The following SUMF1 variants were observed in gnomAD, a reference collection of about 807,000 sequenced individuals.
SUMF1 encodes the protein formylglycine-generating enzyme.
In SUMF1, 48 loss-of-function variants were observed where a neutral mutation model predicts 47.6. The observed-to-expected ratio is 1.01, with a 90% confidence interval of 0.80 to 1.28. The LOEUF is 1.28. SUMF1 is among the 50% of genes most tolerant of loss of function. The pLI, the probability that SUMF1 is intolerant of heterozygous loss-of-function variation, is 0.00. For missense variants in SUMF1, 571 were observed against 485.4 expected, an observed-to-expected ratio of 1.18 and a Z score of -1.66; for synonymous variants, 230 against 192.1, an observed-to-expected ratio of 1.20 and a Z score of -1.63.
At chr3:4,438,228 G>GC (rs1702464487) in intron 3 of SUMF1, among the ~76,000 whole-genome samples, 1 of 7,054 alleles carries the variant, frequency 1.4e-4, no homozygotes, top group Admixed American at 2.5e-3. Flanking sequence ...AGCTATAAGA[G>GC]CAAAAAAAAA....
At chr3:4,055,000 G>C (rs1310468765) in intron 9 of SUMF1, among the ~76,000 whole-genome samples, 2 of 152,144 alleles carry the variant, frequency 1.3e-5, no homozygotes, top group African/African-American at 4.8e-5. Flanking sequence ...CCCTGACTCA[G>C]ATGCCTTACA....
At chr3:4,253,577 G>A (rs936456053) in intron 8 of SUMF1, among the ~76,000 whole-genome samples, 2 of 151,934 alleles carry the variant, frequency 1.3e-5, no homozygotes, top group South Asian at 2.1e-4. Context: ...GGCGCACCAT[G>A]AGACTATATC....
intron 8 of SUMF1, among the ~76,000 whole-genome samples, chr3:4,200,174 A>ATTTTTT (rs35851983): frequency 1.6e-5 from 2 of 125,910 alleles, no homozygotes; most frequent in African/African-American, 6.0e-5. Flanking sequence ...AAGCATCAAG[A>ATTTTTT]TTTTTTTTTT....
At position 4,260,515 on chromosome 3, in the gene SUMF1, C is replaced by G. The variant is rs560464689; in HGVS notation, c.1014+115815G>C. ...TGGCCTGTTGGTTACCAGTTTCCAG[C>G]CCTGATTATCAGAGATTGGGATAAA... On this transcript the variant is annotated intron_variant and NMD_transcript_variant, in intron 8 of 12. Coordinates refer to the SUMF1 transcript ENST00000448413. Among the ~76,000 whole-genome samples, 103 of 152,268 alleles carry G rather than the reference C, an allele frequency of 6.8e-4. 1 individual carries two copies. The highest frequency in any genetic ancestry group is 3.4e-3 in the Middle Eastern group (1 of 294).
At chr3:4,153,867 G>A (rs1203929377) in intron 8 of SUMF1, among the ~76,000 whole-genome samples, 1 of 151,420 alleles carries the variant, frequency 6.6e-6, no homozygotes, top group African/African-American at 2.5e-5. Flanking sequence ...AAGTCTGTTA[G>A]GAGGCAGGGA....
chr3:4,425,923 C>T (rs1184166966), intron 3 of SUMF1, among the ~76,000 whole-genome samples: 1 of 152,146 alleles, frequency 6.6e-6, no homozygotes, highest in East Asian at 1.9e-4. Context: ...GGGGAACTCC[C>T]TTTTATAAAA....
intron 8 of SUMF1, among the ~76,000 whole-genome samples, chr3:4,300,050 G>A (rs758071101): frequency 1.3e-5 from 2 of 152,148 alleles, no homozygotes; most frequent in East Asian, 1.9e-4. Context: ...CCCCAGTGTT[G>A]GAGGTGGGGC....
intron 8 of SUMF1, among the ~76,000 whole-genome samples, chr3:4,102,977 T>C (rs550769276): frequency 2.6e-4 from 40 of 151,556 alleles, no homozygotes; most frequent in Admixed American, 4.6e-4. Flanking sequence ...GGCTGGAGTG[T>C]AGTAGTGCAA....
rs951371207 is a variant in SUMF1, at chr3:4,152,564, A to T, written c.1015-83819T>A. On this transcript the variant is annotated intron_variant and NMD_transcript_variant, in intron 8 of 12. Coordinates refer to the SUMF1 transcript ENST00000448413. The stretch of plus-strand genomic sequence containing the variant: ...CTCCTCAGCCTCCCACAGTGCTGGG[A>T]TTACAGGCATGAGCCACCGTGCCTG... Among the ~76,000 whole-genome samples, 6 of 151,188 alleles carry T rather than the reference A, an allele frequency of 4.0e-5. 1 individual carries two copies. The highest frequency in any genetic ancestry group is 1.5e-4 in the African/African-American group (6 of 40,634).
intron 8 of SUMF1, among the ~76,000 whole-genome samples, chr3:4,124,103 T>G (rs996198032): frequency 1.3e-5 from 2 of 152,206 alleles, no homozygotes. Context: ...ACTTGAAAGC[T>G]ACATCAATTT....
chr3:4,193,169 T>C (rs1291582008), intron 8 of SUMF1, among the ~76,000 whole-genome samples: 1 of 152,152 alleles, frequency 6.6e-6, no homozygotes, highest in Non-Finnish European at 1.5e-5. Flanking sequence ...CATATGTAGA[T>C]AGTGAGCACT....
chr3:4,275,635 C>G (rs1052949591), intron 8 of SUMF1, among the ~76,000 whole-genome samples: 3 of 152,146 alleles, frequency 2.0e-5, no homozygotes, highest in African/African-American at 7.2e-5. Flanking sequence ...GACCTATCTG[C>G]TGTAACTGGG....
intron 8 of SUMF1, among the ~76,000 whole-genome samples, chr3:4,337,094 C>T (rs1200064943): frequency 1.3e-5 from 2 of 152,116 alleles, no homozygotes; most frequent in African/African-American, 2.4e-5. Context: ...TCCCATATTC[C>T]ATCTCTTATG....
intron 7 of SUMF1, among the ~76,000 whole-genome samples, chr3:4,392,459 C>T (rs1700898237): frequency 6.6e-6 from 1 of 151,824 alleles, no homozygotes; most frequent in African/African-American, 2.4e-5. Context: ...GTATGGGTCA[C>T]ACTTTCTTGT....
At chr3:4,303,459 T>C (rs1423326101) in intron 8 of SUMF1, 4 of 1,535,572 alleles carry the variant, frequency 2.6e-6, no homozygotes, top group African/African-American at 2.9e-5. Context: ...CAGCTGGATG[T>C]CGCGTGCGGC....
At chr3:4,186,121 T>C (rs1250823560) in intron 8 of SUMF1, among the ~76,000 whole-genome samples, 2 of 152,170 alleles carry the variant, frequency 1.3e-5, no homozygotes, top group Non-Finnish European at 2.9e-5. Context: ...ACAAGTTCTA[T>C]GTTTACTCTA....
intron 3 of SUMF1, among the ~76,000 whole-genome samples, chr3:4,445,581 G>C (rs1702753096): frequency 6.6e-6 from 1 of 152,122 alleles, no homozygotes; most frequent in Non-Finnish European, 1.5e-5. Context: ...CTGGCCTCAG[G>C]TGAACATCCT....
intron 9 of SUMF1, among the ~76,000 whole-genome samples, chr3:4,037,274 C>T (rs1045092360): frequency 2.0e-5 from 3 of 152,036 alleles, no homozygotes; most frequent in Non-Finnish European, 2.9e-5. Flanking sequence ...TTATCTGGTC[C>T]CTTCCTTCTC....
intron 7 of SUMF1, among the ~76,000 whole-genome samples, chr3:4,376,746 G>C (rs1259223773): frequency 6.6e-6 from 1 of 151,088 alleles, no homozygotes; most frequent in Non-Finnish European, 1.5e-5. Context: ...TGTTATAACT[G>C]GTTTACTCAT....
Sources: allele counts gnomAD v4.1 joint callset (sites outside exome capture counted in the v4.1 genomes callset), GRCh38; gene constraint gnomAD v4.1.1; transcripts MANE v1.5; gene names NCBI Gene and HGNC (gene_info 2026-07-23, HGNC 2026-07-21).